Variants in INPP4B observed in about 807,000 individuals in gnomAD.
INPP4B encodes the protein inositol polyphosphate 4-phosphatase type II.
INPP4B carries 55 observed loss-of-function variants against 122.5 expected under a neutral mutation model. That is an observed-to-expected ratio of 0.45 (90% CI 0.36 to 0.56). The LOEUF (loss-of-function observed/expected upper bound fraction) is 0.56, where lower values mean the gene tolerates loss of function less well. INPP4B is among the 20% of genes least tolerant of loss of function. The pLI, the probability that INPP4B is intolerant of heterozygous loss-of-function variation, is 0.00. For missense variants in INPP4B, 1,000 were observed against 1,097.7 expected, an observed-to-expected ratio of 0.91 and a Z score of 1.26; for synonymous variants, 403 against 388.7, an observed-to-expected ratio of 1.04 and a Z score of -0.43.
chr4:142,153,893 T>C (rs1025191152), intron 17 of INPP4B, among the ~76,000 whole-genome samples: 5 of 152,204 alleles, frequency 3.3e-5, no homozygotes, highest in Non-Finnish European at 7.4e-5. Flanking sequence ...GGGTTTCTTT[T>C]CTTTAATAGA....
chr4:142,729,908 T>C (rs1765840171), intron 1 of INPP4B, among the ~76,000 whole-genome samples: 1 of 152,194 alleles, frequency 6.6e-6, no homozygotes, highest in Admixed American at 6.5e-5. Flanking sequence ...TACTTTGCTG[T>C]ACCATAAGCT....
chr4:142,425,652 T>A (rs1449653914), intron 5 of INPP4B, among the ~76,000 whole-genome samples: 2 of 152,000 alleles, frequency 1.3e-5, no homozygotes, highest in Non-Finnish European at 2.9e-5. Flanking sequence ...CATAAGCACC[T>A]AGAGGTCTTC....
chr4:142,808,117 C>T (rs1005630725), intron 1 of INPP4B, among the ~76,000 whole-genome samples: 1 of 151,906 alleles, frequency 6.6e-6, no homozygotes, highest in Non-Finnish European at 1.5e-5. Flanking sequence ...CACACACACA[C>T]ACACACACGA....
chr4:142,164,924 T>C (rs1821959340), intron 16 of INPP4B, among the ~76,000 whole-genome samples: 1 of 151,588 alleles, frequency 6.6e-6, no homozygotes, highest in African/African-American at 2.4e-5. Flanking sequence ...TGATTGGCCT[T>C]TTCAATTTCT....
intron 2 of INPP4B, among the ~76,000 whole-genome samples, chr4:142,587,900 C>T (rs1736581693): frequency 6.6e-6 from 1 of 151,590 alleles, no homozygotes; most frequent in South Asian, 2.1e-4. Flanking sequence ...AAGCATAGAC[C>T]AATATCTGTC....
At chr4:142,285,048 A>G in intron 9 of INPP4B, among the ~76,000 whole-genome samples, 1 of 152,220 alleles carries the variant, frequency 6.6e-6, no homozygotes, top group Non-Finnish European at 1.5e-5. Flanking sequence ...TGTAGGACAG[A>G]GCAGGACTTC....
chr4:142,049,127 C>A (rs1451036874), intron 25 of INPP4B, among the ~76,000 whole-genome samples: 1 of 151,724 alleles, frequency 6.6e-6, no homozygotes, highest in Non-Finnish European at 1.5e-5. Context: ...GCACACGTTA[C>A]CAGAAAGCAT....
chr4:142,170,652 A>G (rs1825163501), intron 16 of INPP4B, among the ~76,000 whole-genome samples: 1 of 151,806 alleles, frequency 6.6e-6, no homozygotes. Context: ...AACTCTGAAA[A>G]TTGAAGCACT....
At chr4:142,556,177 T>A (rs951815101) in intron 2 of INPP4B, among the ~76,000 whole-genome samples, 2 of 152,130 alleles carry the variant, frequency 1.3e-5, no homozygotes, top group Admixed American at 6.5e-5. Flanking sequence ...TGTCCTATCT[T>A]CTATGGTTGG....
At chr4:142,246,194 C>G (rs571243790) in intron 11 of INPP4B, among the ~76,000 whole-genome samples, 13 of 151,174 alleles carry the variant, frequency 8.6e-5, no homozygotes, top group African/African-American at 2.9e-4. Context: ...ATTACTGTAG[C>G]CTTGGAGTAT....
intron 4 of INPP4B, among the ~76,000 whole-genome samples, 156 bp downstream of exon 4, chr4:142,431,013 T>G (rs1438522994): frequency 6.6e-6 from 1 of 152,122 alleles, no homozygotes; most frequent in African/African-American, 2.4e-5. Context: ...GCCACCAAGG[T>G]AAATAGTGCA....
At chr4:142,072,324 C>G (rs336364) in intron 25 of INPP4B, among the ~76,000 whole-genome samples, 5 of 151,050 alleles carry the variant, frequency 3.3e-5, no homozygotes, top group Admixed American at 1.3e-4. Context: ...CATCACACAT[C>G]GGGGCCTGTC....
At chr4:142,584,761 A>G (rs1279879328) in intron 2 of INPP4B, among the ~76,000 whole-genome samples, 3 of 151,110 alleles carry the variant, frequency 2.0e-5, no homozygotes, top group Non-Finnish European at 1.5e-5. Flanking sequence ...TTTTTTGGGG[A>G]AAAAAAAAGT....
At chr4:142,640,161 AATAAGAGCACTAACAGAT>A (rs1750075682) in intron 2 of INPP4B, among the ~76,000 whole-genome samples, 1 of 152,180 alleles carries the variant, frequency 6.6e-6, no homozygotes, top group Admixed American at 6.5e-5. Context: ...ATGCAATCTT[AATAAGAGCACTAACAGAT>A]ATTCCAATGG....
chr4:142,379,601 G>T (rs1226487106), intron 7 of INPP4B, among the ~76,000 whole-genome samples: 3 of 152,090 alleles, frequency 2.0e-5, no homozygotes, highest in Non-Finnish European at 4.4e-5. Flanking sequence ...TCTTTAAAAC[G>T]TCCTTTTGTT....
intron 2 of INPP4B, among the ~76,000 whole-genome samples, chr4:142,492,705 A>C (rs1256258235): frequency 6.6e-6 from 1 of 152,164 alleles, no homozygotes; most frequent in Non-Finnish European, 1.5e-5. Flanking sequence ...AATTTCTAAG[A>C]GGCAAAGCAT....
intron 1 of INPP4B, among the ~76,000 whole-genome samples, chr4:142,829,332 G>A (rs955766811): frequency 1.3e-5 from 2 of 150,976 alleles, no homozygotes; most frequent in African/African-American, 4.9e-5. Flanking sequence ...CCAATGTGGA[G>A]CACAGGTAGA....
chr4:142,706,329 G>C (rs770026811), intron 2 of INPP4B, among the ~76,000 whole-genome samples: 5 of 152,062 alleles, frequency 3.3e-5, no homozygotes, highest in Non-Finnish European at 7.4e-5. Flanking sequence ...AGAGAGTGGC[G>C]GATATGTATG....
intron 18 of INPP4B, among the ~76,000 whole-genome samples, chr4:142,134,583 G>T (rs1803024948): frequency 6.6e-6 from 1 of 151,974 alleles, no homozygotes; most frequent in Non-Finnish European, 1.5e-5. Flanking sequence ...ATCACCTGAG[G>T]TCGGGAGTTC....
Sources: allele counts gnomAD v4.1 joint callset (sites outside exome capture counted in the v4.1 genomes callset), GRCh38; gene constraint gnomAD v4.1.1; transcripts MANE v1.5; gene names NCBI Gene and HGNC (gene_info 2026-07-23, HGNC 2026-07-21).